LRMDA: variants seen among roughly 807,000 people sequenced by gnomAD.
LRMDA encodes leucine-rich melanocyte differentiation-associated protein.
Under a neutral mutation model 29.8 loss-of-function variants are expected in LRMDA, and 18 were observed. The observed-to-expected ratio is 0.60, with a 90% CI of 0.42 to 0.90. The LOEUF (loss-of-function observed/expected upper bound fraction) is 0.90, where lower values mean the gene tolerates loss of function less well. LRMDA is among the 40% of genes least tolerant of loss of function. LRMDA has a pLI of 0.00. For missense variants in LRMDA, 273 were observed against 273.9 expected (o/e 1.00, Z 0.02); for synonymous variants, 125 against 109.4 (o/e 1.14, Z -0.89).
At chr10:75,474,535 C>T (rs964613930) in intron 2 of LRMDA, among the ~76,000 whole-genome samples, 12 of 152,322 alleles carry the variant, frequency 7.9e-5, no homozygotes, top group South Asian at 4.1e-4. Context: ...ACCATCATCT[C>T]GAGGGTGAGG....
At chr10:75,530,981 G>A (rs375799964) in intron 2 of LRMDA, among the ~76,000 whole-genome samples, 2 of 152,110 alleles carry the variant, frequency 1.3e-5, no homozygotes, top group African/African-American at 4.8e-5. Flanking sequence ...TTATTGAATG[G>A]GGACTATTTC....
intron 5 of LRMDA, among the ~76,000 whole-genome samples, chr10:76,206,113 G>A (rs1330055660): frequency 2.0e-5 from 3 of 152,118 alleles, no homozygotes; most frequent in Non-Finnish European, 4.4e-5. Context: ...TGATTTTGTC[G>A]ATGATGACCT....
At chr10:76,039,467 G>A (rs1848306448) in intron 3 of LRMDA, among the ~76,000 whole-genome samples, 1 of 152,180 alleles carries the variant, frequency 6.6e-6, no homozygotes, top group African/African-American at 2.4e-5. Flanking sequence ...TTTGGCATAT[G>A]TAAAATGGTT....
chr10:75,719,229 A>G (rs961456213), intron 2 of LRMDA, among the ~76,000 whole-genome samples: 3 of 152,216 alleles, frequency 2.0e-5, no homozygotes, highest in Non-Finnish European at 4.4e-5. Context: ...CAGATTTGGC[A>G]GAAGTCCAGA....
intron 2 of LRMDA, among the ~76,000 whole-genome samples, chr10:75,764,522 A>T (rs905332350): frequency 2.0e-5 from 3 of 152,202 alleles, no homozygotes; most frequent in Non-Finnish European, 4.4e-5. Context: ...CAGGAAGTAC[A>T]CAAAGGAATT....
At chr10:75,491,816 T>A (rs1333531091) in intron 2 of LRMDA, among the ~76,000 whole-genome samples, 2 of 152,202 alleles carry the variant, frequency 1.3e-5, no homozygotes, top group African/African-American at 2.4e-5. Flanking sequence ...AATATGTTCC[T>A]CTTTCTTAAT....
chr10:75,635,546 C>CT (rs1348109800), intron 2 of LRMDA, among the ~76,000 whole-genome samples: 1 of 152,116 alleles, frequency 6.6e-6, no homozygotes, highest in African/African-American at 2.4e-5. Flanking sequence ...GGCCTAATTT[C>CT]TGTCCATAAT....
intron 6 of LRMDA, among the ~76,000 whole-genome samples, chr10:76,471,642 AAAAAC>A (rs1344238056): frequency 6.6e-6 from 1 of 151,742 alleles, no homozygotes. Context: ...GAATGGATAA[AAAAAC>A]AAAATCCAAC....
chr10:75,692,529 G>C (rs573958833), intron 2 of LRMDA, among the ~76,000 whole-genome samples: 1 of 149,016 alleles, frequency 6.7e-6, no homozygotes, highest in Non-Finnish European at 1.5e-5. Context: ...ACACATATGC[G>C]TATGTATACA....
intron 6 of LRMDA, among the ~76,000 whole-genome samples, chr10:76,555,570 C>T (rs541328496): frequency 7.2e-5 from 11 of 152,144 alleles, no homozygotes; most frequent in Non-Finnish European, 1.2e-4. Flanking sequence ...AGCTTTGTTC[C>T]AAGCCATCCA....
chr10:76,303,501 C>T (rs1478370292), intron 5 of LRMDA, among the ~76,000 whole-genome samples: 1 of 152,100 alleles, frequency 6.6e-6, no homozygotes, highest in South Asian at 2.1e-4. Context: ...ATCTGTGAAA[C>T]CTCTAGCTCT....
chr10:76,441,181 T>C (rs750816113), intron 6 of LRMDA, among the ~76,000 whole-genome samples: 4 of 152,136 alleles, frequency 2.6e-5, no homozygotes, highest in Non-Finnish European at 5.9e-5. Flanking sequence ...CTCTCTCTCT[T>C]CTCTCTCTTT....
chr10:75,794,657 C>T (rs536929861), intron 2 of LRMDA, among the ~76,000 whole-genome samples: 1 of 152,262 alleles, frequency 6.6e-6, no homozygotes, highest in South Asian at 2.1e-4. Flanking sequence ...TGGTATCTCA[C>T]TGTAGTTTTA....
chr10:76,175,617 G>A (rs2132199547), intron 5 of LRMDA, among the ~76,000 whole-genome samples: 1 of 152,320 alleles, frequency 6.6e-6, no homozygotes, highest in South Asian at 2.1e-4. Context: ...GAGTCACTGA[G>A]TGCTCGAGTT....
chr10:75,820,069 A>T (rs1050041523), intron 2 of LRMDA, among the ~76,000 whole-genome samples: 1 of 152,232 alleles, frequency 6.6e-6, no homozygotes, highest in Admixed American at 6.5e-5. Flanking sequence ...TAAGGGGGAC[A>T]TCAGTAATCT....
At chr10:75,558,793 A>T (rs7901106) in intron 2 of LRMDA, among the ~76,000 whole-genome samples, 3 of 141,988 alleles carry the variant, frequency 2.1e-5, no homozygotes, top group East Asian at 4.2e-4. Context: ...TTGGTTTTTT[A>T]TCCTTGCGAT....
chr10:76,549,160 G>A (rs990178934), intron 6 of LRMDA, among the ~76,000 whole-genome samples: 15 of 152,068 alleles, frequency 9.9e-5, no homozygotes, highest in African/African-American at 3.6e-4. Flanking sequence ...GGGAGCCCAG[G>A]GTATGTTTTC....
chr10:76,128,611 G>A (rs187506369), intron 5 of LRMDA, among the ~76,000 whole-genome samples: 22 of 152,300 alleles, frequency 1.4e-4, no homozygotes, highest in Non-Finnish European at 1.5e-5. Flanking sequence ...GATGATGGAT[G>A]TTTATGATCC....
At chr10:75,981,937 G>C (rs982106511) in intron 2 of LRMDA, among the ~76,000 whole-genome samples, 3 of 151,970 alleles carry the variant, frequency 2.0e-5, no homozygotes, top group Admixed American at 6.6e-5. Flanking sequence ...ACCAGGTACA[G>C]CTGGTGCACA....
Sources: allele counts gnomAD v4.1 joint callset (sites outside exome capture counted in the v4.1 genomes callset), GRCh38; gene constraint gnomAD v4.1.1; transcripts MANE v1.5; gene names NCBI Gene and HGNC (gene_info 2026-07-23, HGNC 2026-07-21).